The following MAPK6 variants were observed in gnomAD, a reference collection of about 807,000 sequenced individuals.
The protein encoded by MAPK6 is mitogen-activated protein kinase 6, also known as ERK-3.
MAPK6 carries 19 observed loss-of-function variants against 59.3 expected under a neutral mutation model. That is an observed-to-expected ratio of 0.32 (90% CI 0.22 to 0.47). The LOEUF is 0.47. Among genes scored for constraint, MAPK6 ranks in the 20% least tolerant of loss-of-function variants. The probability of loss-of-function intolerance (pLI) is 1.00; values close to 1 mark genes in which losing one functional copy is unlikely to be tolerated. For missense variants in MAPK6, 724 were observed against 847.9 expected (o/e 0.85, Z 1.81); for synonymous variants, 316 against 290.3 (o/e 1.09, Z -0.90).
chr15:52,032,210 GAGAC>G (rs1276655918), intron 1 of MAPK6, among the ~76,000 whole-genome samples: 1 of 51,048 alleles, frequency 2.0e-5, no homozygotes, highest in East Asian at 6.4e-4. Flanking sequence ...TTTTTTTTTT[GAGAC>G]AGAGTCTTGC....
At chr15:51,985,819 A>G (rs1367121946) in intron 2 of MAPK6, among the ~76,000 whole-genome samples, 2 of 148,102 alleles carry the variant, frequency 1.4e-5, no homozygotes, top group Non-Finnish European at 3.0e-5. Context: ...TTAGCCCGGC[A>G]TGGTGGTGGG....
In MAPK6 at chr15:52,064,917, G is replaced by A. The variant is rs528265673; in HGVS notation, c.2083G>A (p.Ala695Thr). Reference sequence around the variant, plus strand: ...TGGGTCACCACTTAAGTCAATACAGGCCACATTAACACCTTCTGCTATGAA... The same window carrying A: ...TGGGTCACCACTTAAGTCAATACAGACCACATTAACACCTTCTGCTATGAA... ...PVGSPLKSIQ[A>T]TLTPSAMKSS... The change falls in exon 6 of 6, where the codon GCC (alanine) becomes ACC (threonine). Residue 695 changes from alanine to threonine, a missense_variant. Ala to Thr is a moderately conservative substitution (Grantham distance 58). Around this residue, in one of 4 missense-constraint regions of MAPK6, gnomAD observed 502 missense variants for 507.6 expected, o/e 0.99. Coordinates refer to ENST00000261845, the MANE Select transcript of MAPK6 (RefSeq NM_002748.4). 3.2e-5 allele frequency: 52 copies of A among 1,611,814 alleles called. No individual in the cohort carries two copies. The South Asian group carries it at 4.8e-4, about 15-fold the overall frequency.
intron 3 of MAPK6, among the ~76,000 whole-genome samples, chr15:52,056,197 A>G (rs1053828608): frequency 3.9e-5 from 6 of 152,220 alleles, no homozygotes; most frequent in African/African-American, 1.4e-4. Context: ...TTGTCTCTCT[A>G]TAGGTGTTCC....
intron 2 of MAPK6, among the ~76,000 whole-genome samples, chr15:51,993,247 T>G (rs770167865): frequency 6.6e-6 from 1 of 152,162 alleles, no homozygotes; most frequent in Non-Finnish European, 1.5e-5. Context: ...ACACAAGTCT[T>G]GGGAGCTCTG....
At chr15:51,992,042 G>A (rs1414547920) in intron 2 of MAPK6, among the ~76,000 whole-genome samples, 3 of 149,030 alleles carry the variant, frequency 2.0e-5, no homozygotes, top group Non-Finnish European at 3.0e-5. Context: ...CTGCAGCCTC[G>A]ACATCCCAGG....
chr15:51,999,705 G>A lies in MAPK6; in HGVS notation c.-769-4560G>A, dbSNP rs530213271. On this transcript the variant is annotated intron_variant, in intron 2 of 7. Coordinates refer to the MAPK6 transcript ENST00000691380. ...GTCATCCAGGCTGGAATGCAGTGGT[G>A]CGAACACAGCTCACTTCAACCTCCA... Among the ~76,000 whole-genome samples the A allele has an allele frequency of 9.2e-5, 14 of 152,214 alleles. No homozygotes were observed. The East Asian group carries it at 2.7e-3, about 29-fold the overall frequency.
At chr15:52,035,905 C>T (rs1403666605) in intron 1 of MAPK6, among the ~76,000 whole-genome samples, 1 of 152,064 alleles carries the variant, frequency 6.6e-6, no homozygotes, top group South Asian at 2.1e-4. Context: ...ACATGCTTAG[C>T]TCTCTGATTT....
At chr15:52,012,390 G>T (rs966643929) in intron 3 of MAPK6, among the ~76,000 whole-genome samples, 1 of 152,182 alleles carries the variant, frequency 6.6e-6, no homozygotes, top group Non-Finnish European at 1.5e-5. Context: ...CCCCTGGGAC[G>T]TGGACACTGT....
intron 1 of MAPK6, among the ~76,000 whole-genome samples, chr15:52,041,971 T>C (rs1041732755): frequency 4.6e-5 from 7 of 152,228 alleles, no homozygotes; most frequent in African/African-American, 1.7e-4. Context: ...AAGTCTCTCT[T>C]TACTCACCAT....
intron 3 of MAPK6, among the ~76,000 whole-genome samples, chr15:52,008,703 G>A (rs745861399): frequency 2.0e-5 from 3 of 152,216 alleles, no homozygotes; most frequent in Admixed American, 6.5e-5. Flanking sequence ...CCTTTTGCAC[G>A]CAGGGCCCTG....
upstream of MAPK6, among the ~76,000 whole-genome samples, chr15:52,016,430 T>C (rs1458537743): frequency 6.6e-6 from 1 of 151,874 alleles, no homozygotes; most frequent in Non-Finnish European, 1.5e-5. Flanking sequence ...TAAAACCAAC[T>C]ACATTGACAT....
At position 51,976,219 on chromosome 15, in the gene MAPK6, T is replaced by C. The variant is rs562162952; in HGVS notation, c.-880+4313T>C. 5.6e-5 allele frequency among the ~76,000 whole-genome samples: 8 copies of C among 143,038 alleles called. No individual in the cohort carries two copies. In the East Asian group the frequency reaches 1.6e-3, roughly 29 times the overall value. The allele number at this position is 143,038 out of a possible 152,430, so 93.8% of individuals were successfully genotyped here. On this transcript the variant is annotated intron_variant, in intron 1 of 7. Transcript: ENST00000691380. ...AGGCAGAGGTTGCAGTGAGCTGAGA[T>C]CGTGCCACTGCACTCCAGCCTGGGT...
intron 3 of MAPK6, among the ~76,000 whole-genome samples, chr15:52,007,766 A>C (rs187748190): frequency 1.2e-3 from 189 of 151,420 alleles, no homozygotes; most frequent in African/African-American, 4.4e-3. Flanking sequence ...TCTATTTTTT[A>C]GCTCTTACAT....
chr15:52,047,058 C>T lies in MAPK6; in HGVS notation c.555+43C>T, dbSNP rs748903340. 1.7e-5 allele frequency: 24 copies of T among 1,371,642 alleles called. No individual in the cohort carries two copies. The East Asian group carries it at 5.5e-4, about 31-fold the overall frequency. 85.0% of individuals were successfully genotyped at this position (1,371,642 alleles called of 1,614,324 possible). ...GCTGAGACAGATCTTTAAACTGATA[C>T]ACCTAATCAGGAATAGGTACTTATA... On this transcript the variant is annotated intron_variant, in intron 2 of 5. Transcript: ENST00000261845.
At chr15:52,054,655 G>T (rs921914070) in intron 3 of MAPK6, among the ~76,000 whole-genome samples, 2 of 150,602 alleles carry the variant, frequency 1.3e-5, no homozygotes, top group Admixed American at 6.6e-5. Flanking sequence ...AGTATCAAAA[G>T]AATTTTTGGA....
intron 2 of MAPK6, among the ~76,000 whole-genome samples, chr15:51,996,687 C>T (rs1176922330): frequency 1.3e-5 from 2 of 151,486 alleles, no homozygotes; most frequent in African/African-American, 4.9e-5. Flanking sequence ...TGAGCCACGG[C>T]GCCCGTCCTC....
intron 3 of MAPK6, among the ~76,000 whole-genome samples, chr15:52,053,626 GGTTGA>G (rs1566911661): frequency 1.6e-5 from 2 of 127,780 alleles, no homozygotes; most frequent in East Asian, 4.8e-4. Flanking sequence ...TTGATTGATT[GGTTGA>G]TTGATTGATT....
intron 1 of MAPK6, among the ~76,000 whole-genome samples, chr15:52,028,832 C>G (rs1232304453): frequency 6.6e-6 from 1 of 152,190 alleles, no homozygotes. Flanking sequence ...CCCTTTGCTT[C>G]TCAGCCTACT....
rs2032425165 is a variant in MAPK6, at chr15:52,066,486, A to G, written c.*1486A>G. On this transcript the variant is annotated 3_prime_UTR_variant, in exon 6 of 6. Coordinates refer to ENST00000261845, the MANE Select transcript of MAPK6 (RefSeq NM_002748.4). ...GAAACTTTGAACTGTGCAGTCAGAA[A>G]ACTTGAGATTTGCTCTGTAATACAT... 1 of 152,236 alleles carries G rather than the reference A, an allele frequency of 6.6e-6. No individual in the cohort carries two copies. Among genetic ancestry groups the G allele is most frequent in the African/African-American group, 2.4e-5 (1 of 41,468 alleles). The allele number at this position is 152,236 out of a possible 1,614,324, so 9.4% of individuals were successfully genotyped here. A position where few individuals can be genotyped will look rare whatever the true frequency, so the allele number is the denominator to read the frequency against.
Sources: gnomAD v4.1 joint callset for allele counts (sites outside exome capture counted in the v4.1 genomes callset) on GRCh38, gnomAD v4.1.1 for gene constraint, gnomAD v4.1.1 regional missense constraint, MANE v1.5 for transcripts, NCBI Gene and HGNC (gene_info 2026-07-23, HGNC 2026-07-21) for gene names.